TG: variants seen among roughly 807,000 people sequenced by gnomAD.
The protein encoded by TG is thyroid hormones.
In TG, 270 loss-of-function variants were observed where a neutral mutation model predicts 324.7. The observed-to-expected ratio is 0.83, with a 90% CI of 0.75 to 0.92. The LOEUF (loss-of-function observed/expected upper bound fraction) is 0.92, where lower values mean the gene tolerates loss of function less well. Ranked by LOEUF, TG falls within the 40% of genes least tolerant of loss-of-function variation. TG has a pLI of 0.00. For missense variants in TG, 3,591 were observed against 3,456.4 expected (o/e 1.04, Z -0.98); for synonymous variants, 1,401 against 1,327.0 (o/e 1.06, Z -1.21).
intron 35 of TG, among the ~76,000 whole-genome samples, chr8:132,987,393 G>A (rs575224977): frequency 1.0e-4 from 15 of 147,794 alleles, no homozygotes; most frequent in African/African-American, 3.0e-4. Context: ...GTACAGGCAC[G>A]TATGCACTGT....
At chr8:132,945,558 T>G (rs1478490680) in intron 26 of TG, among the ~76,000 whole-genome samples, 6 of 151,884 alleles carry the variant, frequency 4.0e-5, no homozygotes, top group African/African-American at 1.5e-4. Context: ...AGAAGGGAAG[T>G]GTGGATGGGA....
chr8:132,888,834 T>C (rs951380818), intron 10 of TG, among the ~76,000 whole-genome samples: 1 of 152,250 alleles, frequency 6.6e-6, no homozygotes, highest in Non-Finnish European at 1.5e-5. Context: ...AGATTTTTAC[T>C]GGATGTCTTC....
At chr8:133,098,289 A>C (rs1353374791) in intron 43 of TG, among the ~76,000 whole-genome samples, 1 of 152,254 alleles carries the variant, frequency 6.6e-6, no homozygotes, top group Non-Finnish European at 1.5e-5. Flanking sequence ...AATTATATAC[A>C]TGTGTACTCT....
At chr8:133,017,346 T>C (rs993026656) in intron 37 of TG, among the ~76,000 whole-genome samples, 4 of 151,172 alleles carry the variant, frequency 2.6e-5, no homozygotes, top group African/African-American at 9.7e-5. Flanking sequence ...TATTCTTTAC[T>C]CATCTCTCTC....
At chr8:133,079,416 A>G (rs922298296) in intron 41 of TG, among the ~76,000 whole-genome samples, 1 of 152,206 alleles carries the variant, frequency 6.6e-6, no homozygotes, top group Non-Finnish European at 1.5e-5. Flanking sequence ...ATGTTCCCCT[A>G]TGTAAAAACT....
chr8:132,932,025 CA>C (rs1408057886), intron 23 of TG, among the ~76,000 whole-genome samples: 1 of 152,108 alleles, frequency 6.6e-6, no homozygotes, highest in Non-Finnish European at 1.5e-5. Context: ...GTCCAGGAGG[CA>C]GAGGTTGCAG....
chr8:133,131,595 A>T (rs1231841343), intron 45 of TG, among the ~76,000 whole-genome samples: 1 of 152,204 alleles, frequency 6.6e-6, no homozygotes, highest in Non-Finnish European at 1.5e-5. Flanking sequence ...TCACTTTAGC[A>T]ACAGACATGC....
chr8:132,929,256 G>A, intron 23 of TG, 64 bp downstream of exon 23: 1 of 1,277,958 alleles, frequency 7.8e-7, no homozygotes, highest in Non-Finnish European at 1.1e-6. Flanking sequence ...GCTGAGAGTT[G>A]TCGAGACAAA....
At chr8:132,908,392 C>A in intron 18 of TG, 52 bp downstream of exon 18, 1 of 1,504,970 alleles carries the variant, frequency 6.6e-7, no homozygotes, top group African/African-American at 1.6e-5. Flanking sequence ...CTCAGGGTTA[C>A]GGTGTCAGAA....
chr8:133,078,633 A>T (rs1378544630), intron 41 of TG, among the ~76,000 whole-genome samples: 1 of 152,238 alleles, frequency 6.6e-6, no homozygotes, highest in Admixed American at 6.5e-5. Flanking sequence ...GACGCTATGC[A>T]TGTAACTGTA....
chr8:132,873,174 C>T lies in TG; in HGVS notation c.591C>T (p.Val197=). The change falls in exon 5 of 48, where the codon GTC becomes GTT. Residue 197 remains valine, a synonymous_variant. Coordinates refer to ENST00000220616, the MANE Select transcript of TG (RefSeq NM_003235.5). ...GEFMPVQCKF[V]NTTDMMIFDL... ...TTATGCCTGTCCAGTGCAAATTTGT[C>T]AACACCACAGACATGATGATTTTTG... The T allele has an allele frequency of 6.2e-7, 1 of 1,614,124 alleles. No individual in the cohort carries two copies. The highest frequency in any genetic ancestry group is 8.5e-7 in the Non-Finnish European group (1 of 1,180,012).
intron 40 of TG, among the ~76,000 whole-genome samples, chr8:133,029,314 A>G (rs1330350285): frequency 3.9e-5 from 6 of 152,158 alleles, no homozygotes; most frequent in African/African-American, 1.4e-4. Flanking sequence ...GTTGCATGCT[A>G]ATAAAGGCTT....
At chr8:132,986,198 T>G (rs963303146) in intron 35 of TG, among the ~76,000 whole-genome samples, 1 of 152,028 alleles carries the variant, frequency 6.6e-6, no homozygotes, top group Non-Finnish European at 1.5e-5. Context: ...AGTTAATTCA[T>G]TTGTTTATTT....
intron 25 of TG, among the ~76,000 whole-genome samples, chr8:132,938,797 A>C (rs569965683): frequency 1.3e-5 from 2 of 152,188 alleles, no homozygotes; most frequent in Non-Finnish European, 2.9e-5. Flanking sequence ...TTACGCCAGT[A>C]ATCTTAGCAC....
At chr8:132,874,781 A>T (rs955137887) in intron 5 of TG, among the ~76,000 whole-genome samples, 1 of 152,222 alleles carries the variant, frequency 6.6e-6, no homozygotes, top group Non-Finnish European at 1.5e-5. Flanking sequence ...CCTAAAACAC[A>T]CAATTCTGAA....
intron 12 of TG, 138 bp from the exon 13 acceptor site, chr8:132,898,031 C>T (rs533685909): frequency 5.6e-5 from 53 of 952,946 alleles, no homozygotes; most frequent in African/African-American, 2.8e-4. Context: ...GGACAATGTC[C>T]GGCTGGGGGT....
At position 133,133,664 on chromosome 8, in the gene TG, G is replaced by A. The variant is rs2130425307; in HGVS notation, c.8188+4G>A. Reference sequence around the variant, plus strand: ...TCGTCTCTGAAGACATCTGCAGGTAGCAAAGCCCTGGGACAAGTGGAGGGA... The same window carrying A: ...TCGTCTCTGAAGACATCTGCAGGTAACAAAGCCCTGGGACAAGTGGAGGGA... On this transcript the variant is annotated splice_donor_region_variant and intron_variant, in intron 47 of 47. Transcript: ENST00000220616. The A allele has an allele frequency of 6.2e-7, 1 of 1,612,810 alleles. No individual in the cohort carries two copies. Among genetic ancestry groups the A allele is most frequent in the Non-Finnish European group, 8.5e-7 (1 of 1,179,300 alleles).
chr8:132,867,993 A>G, intron 1 of TG, 122 bp from the exon 2 acceptor site: 2 of 861,686 alleles, frequency 2.3e-6, no homozygotes, highest in East Asian at 5.1e-5. Flanking sequence ...GCCAAATTTT[A>G]AAATAGGCTG....
intron 41 of TG, among the ~76,000 whole-genome samples, chr8:133,090,379 T>C (rs1212323504): frequency 6.6e-6 from 1 of 152,186 alleles, no homozygotes; most frequent in African/African-American, 2.4e-5. Flanking sequence ...TAGTCCTTCC[T>C]ACCTGATTTA....
Sources: gnomAD v4.1 joint callset for allele counts (sites outside exome capture counted in the v4.1 genomes callset) on GRCh38, gnomAD v4.1.1 for gene constraint, MANE v1.5 for transcripts, NCBI Gene and HGNC (gene_info 2026-07-23, HGNC 2026-07-21) for gene names.